The following PDE10A variants were observed in gnomAD, a reference collection of about 807,000 sequenced individuals.
The protein encoded by PDE10A is phosphodiesterase 10A.
PDE10A carries 39 observed loss-of-function variants against 97.7 expected under a neutral mutation model. The observed-to-expected ratio is 0.40, with a 90% CI of 0.31 to 0.52. PDE10A has a LOEUF of 0.52. Among genes scored for constraint, PDE10A ranks in the 20% least tolerant of loss-of-function variants. The pLI is 0.56. For synonymous variants in PDE10A, 371 were observed against 376.8 expected (o/e 0.98, Z 0.18); for missense variants, 731 against 1,047.8 (o/e 0.70, Z 4.17).
chr6:165,448,652 C>T (rs966769874), intron 5 of PDE10A, among the ~76,000 whole-genome samples: 4 of 151,908 alleles, frequency 2.6e-5, no homozygotes, highest in African/African-American at 9.7e-5. Flanking sequence ...TTGTACACAA[C>T]ACTAAATCTA....
At chr6:165,551,529 A>G (rs1233853771) in intron 1 of PDE10A, among the ~76,000 whole-genome samples, 1 of 152,178 alleles carries the variant, frequency 6.6e-6, no homozygotes, top group Non-Finnish European at 1.5e-5. Flanking sequence ...TAATCCCCAA[A>G]ATATATAACA....
chr6:165,614,292 A>C (rs1787626793), intron 1 of PDE10A, among the ~76,000 whole-genome samples: 1 of 152,068 alleles, frequency 6.6e-6, no homozygotes, highest in Admixed American at 6.5e-5. Context: ...GTCAATCCTC[A>C]CCATTTTTGG....
intron 1 of PDE10A, among the ~76,000 whole-genome samples, chr6:165,706,618 T>G (rs994056408): frequency 6.6e-6 from 1 of 152,228 alleles, no homozygotes; most frequent in African/African-American, 2.4e-5. Flanking sequence ...ATCTTCACAG[T>G]CTGTGACTAA....
At chr6:165,679,140 G>T (rs1790905785) in intron 1 of PDE10A, among the ~76,000 whole-genome samples, 1 of 152,184 alleles carries the variant, frequency 6.6e-6, no homozygotes, top group Non-Finnish European at 1.5e-5. Flanking sequence ...GTGCCCCATG[G>T]ATCATCTCAG....
At chr6:165,460,311 G>A (rs112197090) in intron 3 of PDE10A, among the ~76,000 whole-genome samples, 3 of 152,294 alleles carry the variant, frequency 2.0e-5, no homozygotes, top group African/African-American at 7.2e-5. Flanking sequence ...GATTACAATG[G>A]GGAAATTCAA....
chr6:165,397,670 C>CT (rs999656516), intron 13 of PDE10A, among the ~76,000 whole-genome samples: 3 of 141,564 alleles, frequency 2.1e-5, no homozygotes, highest in Non-Finnish European at 4.5e-5. Context: ...CCATTGCACT[C>CT]TAGCCTGGGC....
intron 1 of PDE10A, among the ~76,000 whole-genome samples, chr6:165,914,207 A>C (rs893747793): frequency 1.5e-4 from 23 of 152,176 alleles, no homozygotes; most frequent in Admixed American, 1.3e-3. Flanking sequence ...TTCCCATAGA[A>C]ACATGTTCCA....
At chr6:165,541,588 T>C (rs1244509725) in intron 2 of PDE10A, among the ~76,000 whole-genome samples, 3 of 152,210 alleles carry the variant, frequency 2.0e-5, no homozygotes, top group African/African-American at 7.2e-5. Flanking sequence ...ACTACACTAT[T>C]ATCCCTCATT....
intron 1 of PDE10A, among the ~76,000 whole-genome samples, chr6:165,677,038 T>A (rs1790818538): frequency 6.6e-6 from 1 of 152,254 alleles, no homozygotes; most frequent in South Asian, 2.1e-4. Context: ...TTTCTTCCTG[T>A]GATAGTTAAT....
chr6:165,686,019 G>A (rs1791105238), intron 1 of PDE10A, among the ~76,000 whole-genome samples: 1 of 152,052 alleles, frequency 6.6e-6, no homozygotes, highest in Non-Finnish European at 1.5e-5. Context: ...GAAAGAGATG[G>A]CCACTCTTCA....
chr6:165,926,968 T>C (rs1782953053), intron 1 of PDE10A, among the ~76,000 whole-genome samples: 1 of 151,982 alleles, frequency 6.6e-6, no homozygotes, highest in Non-Finnish European at 1.5e-5. Flanking sequence ...TATGGAAGCA[T>C]GTTAAGATTC....
intron 5 of PDE10A, among the ~76,000 whole-genome samples, chr6:165,435,865 C>T (rs1323755191): frequency 3.9e-5 from 6 of 152,106 alleles, no homozygotes; most frequent in African/African-American, 1.4e-4. Flanking sequence ...CACATTACTT[C>T]GACTGGCTAG....
At chr6:165,566,143 C>T (rs1040011154) in intron 1 of PDE10A, among the ~76,000 whole-genome samples, 2 of 152,068 alleles carry the variant, frequency 1.3e-5, no homozygotes, top group African/African-American at 4.8e-5. Flanking sequence ...AATAAAAAGA[C>T]AAGCCACAGA....
At chr6:165,455,108 C>T (rs574652214) in intron 3 of PDE10A, among the ~76,000 whole-genome samples, 1 of 152,220 alleles carries the variant, frequency 6.6e-6, no homozygotes, top group East Asian at 1.9e-4. Flanking sequence ...ATTTGGGGGA[C>T]TACTGGACGT....
chr6:165,526,879 C>A (rs1260160112), intron 2 of PDE10A, among the ~76,000 whole-genome samples: 1 of 152,204 alleles, frequency 6.6e-6, no homozygotes. Flanking sequence ...AGGAGTATAT[C>A]ACCTCTCCGG....
At chr6:165,929,645 T>C (rs955669098) in intron 1 of PDE10A, among the ~76,000 whole-genome samples, 3 of 152,194 alleles carry the variant, frequency 2.0e-5, no homozygotes, top group Admixed American at 6.5e-5. Flanking sequence ...CATATTTTCT[T>C]AGAAGGATCC....
chr6:165,883,812 C>T (rs531881265), intron 1 of PDE10A, among the ~76,000 whole-genome samples: 27 of 152,168 alleles, frequency 1.8e-4, no homozygotes, highest in African/African-American at 6.0e-4. Flanking sequence ...TACCCTAAGC[C>T]GCCCATACAG....
chr6:165,672,598 A>C (rs1790676889), intron 1 of PDE10A, among the ~76,000 whole-genome samples: 1 of 152,154 alleles, frequency 6.6e-6, no homozygotes, highest in African/African-American at 2.4e-5. Context: ...TGAATCATGA[A>C]GGCAGTTTCC....
chr6:165,961,865 G>A (rs1183015235), intron 1 of PDE10A, among the ~76,000 whole-genome samples: 3 of 152,202 alleles, frequency 2.0e-5, no homozygotes, highest in Admixed American at 6.5e-5. Flanking sequence ...CTCCATCTGG[G>A]CACAACCTGC....
Sources: allele counts gnomAD v4.1 joint callset (sites outside exome capture counted in the v4.1 genomes callset), GRCh38; gene constraint gnomAD v4.1.1; transcripts MANE v1.5; gene names NCBI Gene and HGNC (gene_info 2026-07-23, HGNC 2026-07-21).